KIAA0825: variants seen among roughly 807,000 people sequenced by gnomAD.
KIAA0825 encodes the protein KIAA0825.
A neutral mutation model predicts 147.6 loss-of-function variants in KIAA0825; 119 were observed. The observed-to-expected ratio is 0.81, with a 90% CI of 0.69 to 0.94. KIAA0825 has a LOEUF of 0.94. Ranked by LOEUF, KIAA0825 falls within the 40% of genes least tolerant of loss-of-function variation. KIAA0825 has a pLI of 0.00. For missense variants in KIAA0825, 1,381 were observed against 1,472.7 expected (o/e 0.94, Z 1.02); for synonymous variants, 470 against 518.1 (o/e 0.91, Z 1.26).
At chr5:94,315,630 A>T (rs1278559995) in intron 20 of KIAA0825, among the ~76,000 whole-genome samples, 7 of 151,744 alleles carry the variant, frequency 4.6e-5, no homozygotes, top group Non-Finnish European at 5.9e-5. Flanking sequence ...TAAGTACTTC[A>T]TTATGTGACA....
chr5:94,293,482 G>A (rs893464583), intron 20 of KIAA0825, among the ~76,000 whole-genome samples: 1 of 152,156 alleles, frequency 6.6e-6, no homozygotes, highest in African/African-American at 2.4e-5. Context: ...GAGACTGTTT[G>A]TTATGATTTC....
At chr5:94,188,885 A>G (rs571949030) in intron 20 of KIAA0825, among the ~76,000 whole-genome samples, 194 of 152,202 alleles carry the variant, frequency 1.3e-3, no homozygotes, top group Middle Eastern at 0.01. Context: ...TTTTATTCCC[A>G]CCAACACTGT....
At chr5:94,503,402 C>G (rs1765325690) in intron 5 of KIAA0825, among the ~76,000 whole-genome samples, 1 of 152,154 alleles carries the variant, frequency 6.6e-6, no homozygotes, top group Non-Finnish European at 1.5e-5. Context: ...ATTTCTGAAG[C>G]AAACAAAAAC....
chr5:94,221,591 G>A (rs1773671049), intron 20 of KIAA0825, among the ~76,000 whole-genome samples: 1 of 152,134 alleles, frequency 6.6e-6, no homozygotes, highest in South Asian at 2.1e-4. Flanking sequence ...CAAGGAGTAA[G>A]ACCCAGAGGA....
intron 2 of KIAA0825, among the ~76,000 whole-genome samples, chr5:94,571,490 C>A (rs1444299317): frequency 6.6e-6 from 1 of 152,146 alleles, no homozygotes; most frequent in Admixed American, 6.5e-5. Context: ...CACAAGAAAA[C>A]TTGAAACTAA....
chr5:94,363,677 G>T lies in KIAA0825; in HGVS notation c.3710+20691C>A, dbSNP rs370671302. Among the ~76,000 whole-genome samples the T allele has an allele frequency of 3.9e-5, 6 of 152,174 alleles. No homozygotes were observed. The South Asian group carries it at 1.0e-3, about 26-fold the overall frequency. On this transcript the variant is annotated intron_variant, in intron 20 of 20. Transcript: ENST00000682413. ...GAGGCAGGAGGATTGCTTGAGGCCA[G>T]ATGCAAGAACCCATCTCTACAAAAA...
intron 18 of KIAA0825, among the ~76,000 whole-genome samples, chr5:94,391,050 G>T (rs74689773): frequency 6.6e-6 from 1 of 152,158 alleles, no homozygotes; most frequent in East Asian, 1.9e-4. Context: ...CAGTGTCTGT[G>T]TATTAATGAA....
intron 13 of KIAA0825, among the ~76,000 whole-genome samples, chr5:94,452,431 T>A (rs1324699273): frequency 2.0e-5 from 3 of 152,204 alleles, no homozygotes; most frequent in Non-Finnish European, 4.4e-5. Context: ...CAATGTTATA[T>A]TTAGCAAGAA....
chr5:94,565,418 C>G (rs188710896), intron 2 of KIAA0825, among the ~76,000 whole-genome samples: 1 of 151,074 alleles, frequency 6.6e-6, no homozygotes, highest in Non-Finnish European at 1.5e-5. Context: ...CTCAGCTCAC[C>G]GCAACCTCTG....
chr5:94,160,701 TATATA>T lies in KIAA0825; in HGVS notation c.3711-6582_3711-6578del, dbSNP rs1448635822. On this transcript the variant is annotated intron_variant, in intron 20 of 20. Coordinates refer to ENST00000682413, the MANE Select transcript of KIAA0825 (RefSeq NM_001145678.3). ...ACTATATACATGTATGTATATTTAA[TATATA>T]ATATATGTCTGTATATTTAAATTAT... Among the ~76,000 whole-genome samples, 7 of 150,322 alleles carry T rather than the reference TATATA, an allele frequency of 4.7e-5. No homozygotes were observed. In the South Asian group the frequency reaches 1.3e-3, roughly 27 times the overall value.
At chr5:94,427,979 G>A (rs370256846) in intron 14 of KIAA0825, among the ~76,000 whole-genome samples, 57 of 152,080 alleles carry the variant, frequency 3.7e-4, no homozygotes, top group East Asian at 3.5e-3. Flanking sequence ...CTTTTTTGCC[G>A]TTGTTGATTT....
At chr5:94,612,026 T>C (rs1315161577) in intron 1 of KIAA0825, 1 of 152,178 alleles carries the variant, frequency 6.6e-6, no homozygotes, top group East Asian at 1.9e-4. Context: ...ATAGTGTGTT[T>C]AACCACATGA....
In KIAA0825 at chr5:94,484,911, C is replaced by T; in HGVS notation, c.990G>A (p.Gln330=). 2 of 1,514,944 alleles carry T rather than the reference C, an allele frequency of 1.3e-6. No individual in the cohort carries two copies. Among genetic ancestry groups the T allele is most frequent in the Non-Finnish European group, 1.8e-6 (2 of 1,122,896 alleles). 93.8% of individuals were successfully genotyped at this position (1,514,944 alleles called of 1,614,324 possible). Residue 330 remains glutamine, a synonymous_variant, in exon 6 of 21, where the codon CAG becomes CAA. Transcript: ENST00000682413. The part of the protein sequence containing the change: ...VHALVTTECP[Q]KGRNFSLPLD... ...AAGGGAGAGAGAAGTTTCTTCCTTT[C>T]TGTGGGCATTCAGTAGTAACTGTGA...
At chr5:94,341,040 C>G (rs986560247) in intron 20 of KIAA0825, among the ~76,000 whole-genome samples, 3 of 152,038 alleles carry the variant, frequency 2.0e-5, no homozygotes, top group African/African-American at 7.2e-5. Context: ...AAAGATGTTT[C>G]TTTGTGTTGG....
rs535152982 is a variant in KIAA0825, at chr5:94,166,504, G to GTT, written c.3711-12382_3711-12381dup. On this transcript the variant is annotated intron_variant, in intron 20 of 20. Coordinates refer to ENST00000682413, the MANE Select transcript of KIAA0825 (RefSeq NM_001145678.3). ...ATAATTCATGTCCTTCCTCTTGGTT[G>GTT]TTTTTTTTTTTTTTTTTTTTTGAGA... 6.3e-3 allele frequency among the ~76,000 whole-genome samples: 636 copies of GTT among 100,742 alleles called. 15 individuals are homozygous for GTT. Among genetic ancestry groups the GTT allele is most frequent in the Middle Eastern group, 0.034 (5 of 148 alleles). The allele number at this position is 100,742 out of a possible 152,430, so 66.1% of individuals were successfully genotyped here.
chr5:94,355,136 G>A (rs1784106623), intron 20 of KIAA0825, among the ~76,000 whole-genome samples: 2 of 152,214 alleles, frequency 1.3e-5, no homozygotes, highest in Admixed American at 6.5e-5. Context: ...TTCACATTAA[G>A]ATAAAAAATT....
intron 20 of KIAA0825, among the ~76,000 whole-genome samples, chr5:94,332,575 T>G (rs1212286523): frequency 6.6e-6 from 1 of 152,208 alleles, no homozygotes. Flanking sequence ...TATGGCTGCA[T>G]AGAATTCCAT....
Position 94,593,540 on chromosome 5 carries a change from C to G in KIAA0825, c.-152-10957G>C, listed in dbSNP as rs370782834. ...GAAAGCTTTGTAAAGTTTTTTGTAGCATTGGGACCCATTGCAGGACCTGAA... is the reference window on the plus strand; with the variant it reads ...GAAAGCTTTGTAAAGTTTTTTGTAGGATTGGGACCCATTGCAGGACCTGAA... On this transcript the variant is annotated intron_variant, in intron 1 of 20. Coordinates refer to ENST00000682413, the MANE Select transcript of KIAA0825 (RefSeq NM_001145678.3). The G allele has an allele frequency of 1.2e-3, 704 of 592,830 alleles. 7 individuals are homozygous for G. The South Asian group carries it at 0.014, about 11-fold the overall frequency. 36.7% of individuals were successfully genotyped at this position (592,830 alleles called of 1,614,324 possible). A position where few individuals can be genotyped will look rare whatever the true frequency, so the allele number is the denominator to read the frequency against.
At chr5:94,565,926 C>T (rs897494062) in intron 2 of KIAA0825, among the ~76,000 whole-genome samples, 4 of 152,132 alleles carry the variant, frequency 2.6e-5, no homozygotes, top group Non-Finnish European at 5.9e-5. Flanking sequence ...CCATATCTCT[C>T]CATTCTCCCC....
Sources: allele counts gnomAD v4.1 joint callset (sites outside exome capture counted in the v4.1 genomes callset), GRCh38; gene constraint gnomAD v4.1.1; transcripts MANE v1.5; gene names NCBI Gene and HGNC (gene_info 2026-07-23, HGNC 2026-07-21).